CSMD3: variants seen among roughly 807,000 people sequenced by gnomAD.
CSMD3 encodes the protein CUB and sushi domain-containing protein 3.
In CSMD3, 177 loss-of-function variants were observed where a neutral mutation model predicts 435.2. The observed-to-expected ratio is 0.41, with a 90% confidence interval of 0.36 to 0.46. The LOEUF is 0.46. Ranked by LOEUF, CSMD3 falls within the 20% of genes least tolerant of loss-of-function variation. The pLI is 0.34. For missense variants in CSMD3, 4,265 were observed against 4,504.6 expected (o/e 0.95, Z 1.52); for synonymous variants, 1,656 against 1,520.5 (o/e 1.09, Z -2.07).
intron 24 of CSMD3, among the ~76,000 whole-genome samples, chr8:112,571,165 G>A (rs1231418817): frequency 2.0e-5 from 3 of 151,830 alleles, no homozygotes; most frequent in African/African-American, 2.4e-5. Context: ...GTGCCACCAC[G>A]CCCAGCTAAT....
chr8:112,519,310 T>C (rs929617486), intron 27 of CSMD3, among the ~76,000 whole-genome samples: 2 of 152,172 alleles, frequency 1.3e-5, no homozygotes, highest in Admixed American at 6.6e-5. Flanking sequence ...AACCTTGTTG[T>C]CTCACTCGTA....
intron 39 of CSMD3, 145 bp downstream of exon 39, chr8:112,352,271 A>G (rs1826195851): frequency 8.0e-7 from 1 of 1,243,190 alleles, no homozygotes; most frequent in African/African-American, 1.5e-5. Flanking sequence ...TCATGTGCAT[A>G]TTTTATTATC....
chr8:112,321,813 C>T (rs1409551878), intron 45 of CSMD3, among the ~76,000 whole-genome samples: 1 of 152,110 alleles, frequency 6.6e-6, no homozygotes, highest in East Asian at 1.9e-4. Context: ...AGAAGGGTTA[C>T]TGCTAGAGAA....
At chr8:112,824,485 G>C (rs1257487074) in intron 12 of CSMD3, among the ~76,000 whole-genome samples, 1 of 152,106 alleles carries the variant, frequency 6.6e-6, no homozygotes, top group East Asian at 1.9e-4. Context: ...AGGAGCTCTT[G>C]TAAGGCAGGT....
At chr8:113,035,643 T>A (rs948156807) in intron 5 of CSMD3, among the ~76,000 whole-genome samples, 2 of 151,982 alleles carry the variant, frequency 1.3e-5, no homozygotes, top group African/African-American at 4.8e-5. Flanking sequence ...AAATAAAATA[T>A]ACATCAATAC....
intron 5 of CSMD3, chr8:113,098,504 G>A (rs2090232117): frequency 2.1e-6 from 1 of 466,944 alleles, no homozygotes; most frequent in Non-Finnish European, 3.9e-6. Flanking sequence ...GGACTGGCAT[G>A]CTAAAAAACA....
chr8:113,404,082 G>A (rs370998002), intron 1 of CSMD3, among the ~76,000 whole-genome samples: 2 of 151,242 alleles, frequency 1.3e-5, no homozygotes. Context: ...TCTCTACAGC[G>A]AATCTGGCAT....
At chr8:112,464,364 T>C (rs1007863222) in intron 32 of CSMD3, among the ~76,000 whole-genome samples, 2 of 152,118 alleles carry the variant, frequency 1.3e-5, no homozygotes, top group Admixed American at 1.3e-4. Context: ...ACTGATGAGT[T>C]GATGAAAACT....
At chr8:112,607,021 A>G (rs953646576) in intron 22 of CSMD3, among the ~76,000 whole-genome samples, 7 of 149,636 alleles carry the variant, frequency 4.7e-5, no homozygotes, top group Non-Finnish European at 1.0e-4. Flanking sequence ...GTGAAAGGAA[A>G]AGGACAAAGA....
chr8:113,272,905 G>A (rs180896014), intron 3 of CSMD3, among the ~76,000 whole-genome samples: 1 of 152,022 alleles, frequency 6.6e-6, no homozygotes, highest in Non-Finnish European at 1.5e-5. Context: ...TAAAAATGTA[G>A]TTAGACAGAA....
intron 50 of CSMD3, among the ~76,000 whole-genome samples, chr8:112,309,026 T>A (rs1821708134): frequency 6.6e-6 from 1 of 152,054 alleles, no homozygotes; most frequent in Admixed American, 6.5e-5. Context: ...TTAGAAAAGA[T>A]CAATTTTTGG....
At chr8:113,100,466 A>C (rs1290236423) in intron 4 of CSMD3, among the ~76,000 whole-genome samples, 1 of 152,210 alleles carries the variant, frequency 6.6e-6, no homozygotes, top group East Asian at 1.9e-4. Flanking sequence ...CTTTGATAAT[A>C]AATTATTTCA....
chr8:113,355,749 T>TATATATATATGC (rs1357514892), intron 1 of CSMD3, among the ~76,000 whole-genome samples: 2 of 81,324 alleles, frequency 2.5e-5, no homozygotes, highest in South Asian at 1.2e-3. Flanking sequence ...TATATATATA[T>TATATATATATGC]ACACACACAC....
At chr8:112,807,547 A>G (rs1435406466) in intron 12 of CSMD3, among the ~76,000 whole-genome samples, 1 of 151,120 alleles carries the variant, frequency 6.6e-6, no homozygotes, top group Non-Finnish European at 1.5e-5. Flanking sequence ...TAGGAAATAC[A>G]TGTTTGGTGT....
intron 4 of CSMD3, among the ~76,000 whole-genome samples, chr8:113,171,962 TAA>T (rs2092275849): frequency 6.6e-6 from 1 of 152,154 alleles, no homozygotes; most frequent in Non-Finnish European, 1.5e-5. Flanking sequence ...CTGCCCATTA[TAA>T]AAGAGTCAGG....
intron 13 of CSMD3, among the ~76,000 whole-genome samples, chr8:112,747,398 A>C (rs1460633381): frequency 6.6e-6 from 1 of 151,734 alleles, no homozygotes; most frequent in Non-Finnish European, 1.5e-5. Flanking sequence ...AACCACTGTA[A>C]AAGGAAAGAA....
chr8:112,831,779 A>C (rs1227273089), intron 11 of CSMD3, among the ~76,000 whole-genome samples: 1 of 152,152 alleles, frequency 6.6e-6, no homozygotes, highest in Non-Finnish European at 1.5e-5. Context: ...TAATATTTGT[A>C]ATACACAAAG....
At chr8:112,711,268 A>G (rs2076604344) in intron 13 of CSMD3, among the ~76,000 whole-genome samples, 1 of 152,068 alleles carries the variant, frequency 6.6e-6, no homozygotes, top group Admixed American at 6.6e-5. Flanking sequence ...CCTCATGAAG[A>G]GATTTTCCTT....
chr8:112,895,530 A>G (rs1044184897), intron 10 of CSMD3, among the ~76,000 whole-genome samples: 10 of 151,546 alleles, frequency 6.6e-5, no homozygotes, highest in Middle Eastern at 3.4e-3. Context: ...TAAAATACAC[A>G]TAAAGGAAAG....
Sources: allele counts gnomAD v4.1 joint callset (sites outside exome capture counted in the v4.1 genomes callset), GRCh38; gene constraint gnomAD v4.1.1; transcripts MANE v1.5; gene names NCBI Gene and HGNC (gene_info 2026-07-23, HGNC 2026-07-21).